The following TSPAN3 variants were observed in gnomAD, a reference collection of about 807,000 sequenced individuals.
TSPAN3 encodes the protein tetraspanin 3, also known as tetraspanin-3.
In TSPAN3, 9 loss-of-function variants were observed where a neutral mutation model predicts 31.1. The ratio of observed to expected loss-of-function variants is 0.29; its 90% confidence interval spans 0.17 to 0.50. The LOEUF is 0.50. Among genes scored for constraint, TSPAN3 ranks in the 20% least tolerant of loss-of-function variants. The pLI is 0.98. For missense variants in TSPAN3, 252 were observed against 313.5 expected, an observed-to-expected ratio of 0.80 and a Z score of 1.48; for synonymous variants, 129 against 114.3, an observed-to-expected ratio of 1.13 and a Z score of -0.82.
intron 1 of TSPAN3, among the ~76,000 whole-genome samples, chr15:77,065,536 C>T (rs2076827110): frequency 6.6e-6 from 1 of 152,096 alleles, no homozygotes; most frequent in South Asian, 2.1e-4. Context: ...ACGCCATGCT[C>T]CTGCCTCAGC....
intron 1 of TSPAN3, among the ~76,000 whole-genome samples, chr15:77,070,371 A>C (rs2076859832): frequency 6.6e-6 from 1 of 152,152 alleles, no homozygotes; most frequent in Non-Finnish European, 1.5e-5. Context: ...GGCTGGTGAC[A>C]GTCAGCCGGT....
chr15:77,063,385 T>C (rs1401698434), intron 1 of TSPAN3: 1 of 126,752 alleles, frequency 7.9e-6, no homozygotes, highest in Admixed American at 7.4e-5. Context: ...GAAAATTCTA[T>C]TTTTTTTTTT....
chr15:77,048,310 CAATAAA>C (rs1398675928), intron 6 of TSPAN3, among the ~76,000 whole-genome samples: 1 of 152,022 alleles, frequency 6.6e-6, no homozygotes, highest in Admixed American at 6.6e-5. Flanking sequence ...TTAAATTGAG[CAATAAA>C]AATGCTAAGC....
chr15:77,060,960 T>A (rs1157914114), intron 1 of TSPAN3, among the ~76,000 whole-genome samples: 1 of 152,194 alleles, frequency 6.6e-6, no homozygotes, highest in African/African-American at 2.4e-5. Flanking sequence ...TACTCTAAAT[T>A]AAGTCACAAC....
chr15:77,044,533 C>T lies in TSPAN3; in HGVS notation c.*2302G>A, dbSNP rs975721468. On this transcript the variant is annotated 3_prime_UTR_variant, in exon 7 of 7. Coordinates refer to ENST00000267970, the MANE Select transcript of TSPAN3 (RefSeq NM_005724.6). ...TTTCCCAGACCTCAGAGCTACCTCC[C>T]CACCTCCATCTTTTTGGTCTCACTG... is the stretch of plus-strand genomic sequence containing the variant. 2.6e-5 allele frequency: 4 copies of T among 152,232 alleles called. No homozygotes were observed. The highest frequency in any genetic ancestry group is 5.9e-5 in the Non-Finnish European group (4 of 68,066). 9.4% of individuals were successfully genotyped at this position (152,232 alleles called of 1,614,324 possible).
chr15:77,052,420 C>T lies in TSPAN3; in HGVS notation c.634G>A (p.Val212Met), dbSNP rs1336572319. The part of the protein sequence containing the change: ...VKKLQEIMMH[V>M]IWAALAFAAI... The stretch of plus-strand genomic sequence containing the variant: ...GCAAATGCCAGTGCGGCCCAGATCA[C>T]ATGCATCATGATTTCTTGTAGCTTC... The change falls in exon 6 of 7, where the codon GTG becomes ATG. Residue 212 changes from valine to methionine, a missense_variant. Physicochemically the swap from Val to Met is conservative, Grantham distance 21. Transcript: ENST00000267970. The T allele has an allele frequency of 6.2e-7, 1 of 1,614,252 alleles. No homozygotes were observed. The highest frequency in any genetic ancestry group is 1.1e-5 in the South Asian group (1 of 91,086).
rs1257102041 is a variant in TSPAN3, at chr15:77,042,556, C to CT, written c.*4278dup. ...CAAGTCGGGAACTATCTGAGGAACT[C>CT]TTCCCCCATCCCCAAAGGTCAATGA... On this transcript the variant is annotated 3_prime_UTR_variant, in exon 7 of 7. Transcript: ENST00000267970. 2 of 152,166 alleles carry CT rather than the reference C, an allele frequency of 1.3e-5. No individual in the cohort carries two copies. Among genetic ancestry groups the CT allele is most frequent in the African/African-American group, 2.4e-5 (1 of 41,442 alleles). 9.4% of individuals were successfully genotyped at this position (152,166 alleles called of 1,614,324 possible).
rs779019458 is a variant in TSPAN3 at position 77,054,292 on chromosome 15, A to G, written c.331-13T>C. ...CCTCATTTTCCACCTGAATCAGAAC[A>G]AAGAATTCAGTCCCTCAAAAATACT... is the stretch of plus-strand genomic sequence containing the variant. On this transcript the variant is annotated splice_polypyrimidine_tract_variant and intron_variant, in intron 3 of 6. Coordinates refer to ENST00000267970, the MANE Select transcript of TSPAN3 (RefSeq NM_005724.6). The G allele has an allele frequency of 1.7e-5, 27 of 1,583,836 alleles. No homozygotes were observed. In the Admixed American group the frequency reaches 4.3e-4, roughly 25 times the overall value.
At chr15:77,055,936 A>G in intron 2 of TSPAN3, 73 bp from the exon 3 acceptor site, 1 of 1,532,566 alleles carries the variant, frequency 6.5e-7, no homozygotes, top group Non-Finnish European at 8.8e-7. Flanking sequence ...ATTTAAAAAA[A>G]GTTATCAGAG....
rs142023609 is a variant in TSPAN3 at position 77,056,101 on chromosome 15, C to G, written c.218G>C (p.Cys73Ser). Residue 73 changes from cysteine to serine, a missense_variant, in exon 2 of 7, where the codon TGT (cysteine) becomes TCT (serine). Cys to Ser is a moderately radical substitution (Grantham distance 112). Coordinates refer to ENST00000267970, the MANE Select transcript of TSPAN3 (RefSeq NM_005724.6). ...LLFIIGLIGC[C>S]ATIRESRCGL... ...ACAGCGACTTTCCCGGATTGTGGCA[C>G]AGCAGCCAATTAGCCCAATGATGAA... is the stretch of plus-strand genomic sequence containing the variant. The G allele has an allele frequency of 3.5e-5, 56 of 1,611,216 alleles. No individual in the cohort carries two copies. Among genetic ancestry groups the G allele is most frequent in the Non-Finnish European group, 4.6e-5 (54 of 1,179,070 alleles).
intron 1 of TSPAN3, among the ~76,000 whole-genome samples, chr15:77,061,020 A>C (rs1240014081): frequency 6.6e-6 from 1 of 152,258 alleles, no homozygotes; most frequent in African/African-American, 2.4e-5. Context: ...CTGTCTAAAA[A>C]ATAAAGCCAT....
chr15:77,071,011 A>G lies in TSPAN3; in HGVS notation c.-57T>C. ...AGAGCGGGGCTGCGCTCACCGAGAGAGCGGCAATGGCGGCGGCGCCTCCTC... is the reference window on the plus strand; with the variant it reads ...AGAGCGGGGCTGCGCTCACCGAGAGGGCGGCAATGGCGGCGGCGCCTCCTC... On this transcript the variant is annotated 5_prime_UTR_variant, in exon 1 of 7. Transcript: ENST00000267970. The G allele has an allele frequency of 7.8e-7, 1 of 1,275,858 alleles. No individual in the cohort carries two copies. The highest frequency in any genetic ancestry group is 1.0e-6 in the Non-Finnish European group (1 of 982,768). The allele number at this position is 1,275,858 out of a possible 1,614,324, so 79.0% of individuals were successfully genotyped here. A position where few individuals can be genotyped will look rare whatever the true frequency, so the allele number is the denominator to read the frequency against.
chr15:77,052,242 T>C, intron 6 of TSPAN3, 143 bp downstream of exon 6: 3 of 690,122 alleles, frequency 4.3e-6, no homozygotes, highest in South Asian at 3.8e-5. Flanking sequence ...ATGGAAAACA[T>C]GGGAAACTGG....
intron 3 of TSPAN3, 60 bp from the exon 4 acceptor site, chr15:77,054,339 G>A (rs2076754193): frequency 1.7e-6 from 2 of 1,169,174 alleles, no homozygotes; most frequent in Non-Finnish European, 2.6e-6. Flanking sequence ...CATTAGTCAA[G>A]GCTCCTACTA....
Position 77,056,148 on chromosome 15 carries a change from G to GATC in TSPAN3, c.168_170dup (p.Val56_Ile57insMet), listed in dbSNP as rs1255701496. ...TGAAAAGCAGGGCTCCTACAGCTATGATCACTACAGCAGGGATGAGCGTGT... is the reference window on the plus strand; with the variant it reads ...TGAAAAGCAGGGCTCCTACAGCTATGATCATCACTACAGCAGGGATGAGCGTGT... On this transcript the variant is annotated inframe_insertion, in exon 2 of 7. Transcript: ENST00000267970. The GATC allele has an allele frequency of 1.2e-6, 2 of 1,613,832 alleles. No individual in the cohort carries two copies. Among genetic ancestry groups the GATC allele is most frequent in the Non-Finnish European group, 1.7e-6 (2 of 1,179,914 alleles).
chr15:77,057,534 G>A (rs538585350), intron 1 of TSPAN3, among the ~76,000 whole-genome samples: 96 of 152,306 alleles, frequency 6.3e-4, no homozygotes, highest in African/African-American at 2.2e-3. Flanking sequence ...ATTTGGGAAA[G>A]TAATTTGATT....
At chr15:77,053,451 CAAAAAAAAAAAAAAAAAAA>C (rs60483848) in intron 4 of TSPAN3, among the ~76,000 whole-genome samples, 43 of 50,372 alleles carry the variant, frequency 8.5e-4, no homozygotes, top group African/African-American at 2.5e-3. Flanking sequence ...TTCGCCATCT[CAAAAAAAAAAAAAAAAAAA>C]AAAAAAAAAA....
intron 6 of TSPAN3, among the ~76,000 whole-genome samples, chr15:77,048,451 GTATT>G (rs757982825): frequency 6.7e-6 from 1 of 148,540 alleles, no homozygotes; most frequent in Admixed American, 6.8e-5. Context: ...TCTGAAATAA[GTATT>G]TCTTTCCCAA....
chr15:77,064,888 T>C (rs1426594762), intron 1 of TSPAN3: 1 of 152,224 alleles, frequency 6.6e-6, no homozygotes, highest in Non-Finnish European at 1.5e-5. Context: ...TTTAAAAGTA[T>C]CATATTACCA....
Sources: gnomAD v4.1 joint callset for allele counts (sites outside exome capture counted in the v4.1 genomes callset) on GRCh38, gnomAD v4.1.1 for gene constraint, MANE v1.5 for transcripts, NCBI Gene and HGNC (gene_info 2026-07-23, HGNC 2026-07-21) for gene names.